Variants in MUSK observed in about 807,000 individuals in gnomAD.
MUSK encodes muscle associated receptor tyrosine kinase, also known as muscle, skeletal receptor tyrosine-protein kinase.
MUSK carries 55 observed loss-of-function variants against 88.7 expected under a neutral mutation model. The ratio of observed to expected loss-of-function variants is 0.62; its 90% CI spans 0.50 to 0.78. The LOEUF is 0.78. Ranked by LOEUF, MUSK falls within the 30% of genes least tolerant of loss-of-function variation. The pLI is 0.00. For missense variants in MUSK, 1,015 were observed against 1,074.3 expected, an observed-to-expected ratio of 0.94 and a Z score of 0.77; for synonymous variants, 387 against 391.9, an observed-to-expected ratio of 0.99 and a Z score of 0.15.
At chr9:110,728,327 A>G (rs1235706901) in intron 5 of MUSK, 2 of 213,982 alleles carry the variant, frequency 9.3e-6, no homozygotes, top group Non-Finnish European at 1.8e-5. Context: ...CAAGGGGGGA[A>G]CGCAATGTAT....
chr9:110,750,236 T>C (rs994779275), intron 7 of MUSK, among the ~76,000 whole-genome samples: 13 of 152,144 alleles, frequency 8.5e-5, no homozygotes, highest in African/African-American at 3.1e-4. Flanking sequence ...ATTCAGTCAC[T>C]CAAAGATACC....
intron 2 of MUSK, among the ~76,000 whole-genome samples, chr9:110,684,509 G>A (rs562156288): frequency 6.7e-6 from 1 of 150,152 alleles, no homozygotes; most frequent in East Asian, 1.9e-4. Context: ...TTCTATTTCT[G>A]TGAAGAATGT....
At chr9:110,693,621 C>CA (rs1470503430) in intron 3 of MUSK, among the ~76,000 whole-genome samples, 1 of 152,220 alleles carries the variant, frequency 6.6e-6, no homozygotes, top group Non-Finnish European at 1.5e-5. Flanking sequence ...GGCTATGCGT[C>CA]AATACCCTAG....
chr9:110,767,997 C>T lies in MUSK; in HGVS notation c.1098C>T (p.Cys366=), dbSNP rs1427670381. The part of the protein sequence containing the change: ...WNELKVVSPV[C]RPAAEALLCN... ...AACTGAAAGTAGTGAGCCCAGTCTG[C>T]CGGCCAGCTGCTGAGGCTTTGTTGT... is the stretch of plus-strand genomic sequence containing the variant. The change falls in exon 9 of 15, where the codon TGC becomes TGT. Residue 366 remains cysteine, a synonymous_variant. Coordinates refer to ENST00000374448, the MANE Select transcript of MUSK (RefSeq NM_005592.4). The T allele has an allele frequency of 5.0e-6, 8 of 1,613,952 alleles. No individual in the cohort carries two copies. Among genetic ancestry groups the T allele is most frequent in the Middle Eastern group, 3.3e-4 (2 of 6,062 alleles).
intron 5 of MUSK, among the ~76,000 whole-genome samples, chr9:110,718,176 T>A (rs2076768587): frequency 6.6e-6 from 1 of 152,046 alleles, no homozygotes; most frequent in Non-Finnish European, 1.5e-5. Flanking sequence ...GGGTCTCTCC[T>A]CAGGCTGCTT....
At position 110,701,675 on chromosome 9, in the gene MUSK, A is replaced by T. The variant is rs1410581745; in HGVS notation, c.628+4209A>T. Among the ~76,000 whole-genome samples, 4 of 23,508 alleles carry T rather than the reference A, an allele frequency of 1.7e-4. 2 individuals are homozygous for T. Among genetic ancestry groups the T allele is most frequent in the South Asian group, 1.6e-3 (2 of 1,278 alleles). 15.4% of individuals were successfully genotyped at this position (23,508 alleles called of 152,430 possible). On this transcript the variant is annotated intron_variant, in intron 5 of 14. Coordinates refer to ENST00000374448, the MANE Select transcript of MUSK (RefSeq NM_005592.4). ...CTATTTATTTTATTTATTTTATTTT[A>T]TTTTTTTTACTTTACTTTATTTTAT...
At chr9:110,674,735 C>A (rs2076002925) in intron 1 of MUSK, among the ~76,000 whole-genome samples, 1 of 151,824 alleles carries the variant, frequency 6.6e-6, no homozygotes, top group Admixed American at 6.6e-5. Flanking sequence ...CAGCTTCTTC[C>A]CAAGTAGCTG....
intron 6 of MUSK, among the ~76,000 whole-genome samples, chr9:110,738,862 G>T (rs964183231): frequency 1.3e-5 from 2 of 152,160 alleles, no homozygotes; most frequent in African/African-American, 4.8e-5. Context: ...TACCAGTGAT[G>T]CATTTTCCTC....
At chr9:110,735,704 T>C (rs960351908) in intron 6 of MUSK, among the ~76,000 whole-genome samples, 11 of 152,106 alleles carry the variant, frequency 7.2e-5, no homozygotes, top group Non-Finnish European at 1.2e-4. Context: ...GAAAAGAGGT[T>C]TAATTGGCTC....
At chr9:110,706,748 C>T (rs1415512688) in intron 5 of MUSK, among the ~76,000 whole-genome samples, 1 of 152,120 alleles carries the variant, frequency 6.6e-6, no homozygotes, top group Non-Finnish European at 1.5e-5. Flanking sequence ...TCACACCTGT[C>T]ATCTCGGCAC....
chr9:110,695,599 C>A, intron 4 of MUSK, 69 bp downstream of exon 4: 3 of 1,206,724 alleles, frequency 2.5e-6, no homozygotes, highest in South Asian at 3.0e-5. Flanking sequence ...TTTACACACT[C>A]AGTTACACAC....
rs139609264 is a variant in MUSK, at chr9:110,782,340, T to A, written c.1385-2475T>A. 2.0e-4 allele frequency among the ~76,000 whole-genome samples: 30 copies of A among 152,310 alleles called. No individual in the cohort carries two copies. In the East Asian group the frequency reaches 5.2e-3, roughly 26 times the overall value. ...GATCAGATCAAATCAGAAGCAGTCA[T>A]CAAGGAATAACAAAACAAAACTATC... On this transcript the variant is annotated intron_variant, in intron 11 of 14. Coordinates refer to ENST00000374448, the MANE Select transcript of MUSK (RefSeq NM_005592.4).
At position 110,668,997 on chromosome 9, in the gene MUSK, A is replaced by G. The variant is rs1345348874; in HGVS notation, c.79+14A>G. 6.2e-7 allele frequency: 1 copy of G among 1,603,844 alleles called. No homozygotes were observed. The highest frequency in any genetic ancestry group is 1.1e-5 in the South Asian group (1 of 90,882). Reference sequence around the variant, plus strand: ...AACTTCCAAAAGGTTGGTTTGAGCAATCGTGTCTTCTTGTTGTCTTGTCAT... The same window carrying G: ...AACTTCCAAAAGGTTGGTTTGAGCAGTCGTGTCTTCTTGTTGTCTTGTCAT... On this transcript the variant is annotated intron_variant, in intron 1 of 14. Transcript: ENST00000374448.
chr9:110,743,241 C>T (rs775904111), intron 6 of MUSK, among the ~76,000 whole-genome samples: 3 of 152,144 alleles, frequency 2.0e-5, no homozygotes, highest in African/African-American at 4.8e-5. Context: ...AGCCAAAGAG[C>T]AGGAGAAAGT....
chr9:110,690,189 T>TATAAATATATAA (rs1254556152), intron 3 of MUSK, among the ~76,000 whole-genome samples: 19 of 76,222 alleles, frequency 2.5e-4, no homozygotes, highest in Admixed American at 3.8e-4. Flanking sequence ...TATATTTAAG[T>TATAAATATATAA]ATATATAAAT....
chr9:110,739,360 T>C (rs924817101), intron 6 of MUSK, among the ~76,000 whole-genome samples: 1 of 152,180 alleles, frequency 6.6e-6, no homozygotes, highest in Admixed American at 6.5e-5. Flanking sequence ...GCATGAAGTA[T>C]TGTCAACCAA....
In MUSK at chr9:110,805,745, C is replaced by T. The variant is rs1352234604; in HGVS notation, c.*4757C>T. Among the ~76,000 whole-genome samples the T allele has an allele frequency of 1.3e-5, 2 of 151,774 alleles. No individual in the cohort carries two copies. Among genetic ancestry groups the T allele is most frequent in the Non-Finnish European group, 2.9e-5 (2 of 67,828 alleles). On this transcript the variant is annotated 3_prime_UTR_variant, in exon 15 of 15. Transcript: ENST00000374448. ...TGTATGAATTTATTTCCTAATGTAG[C>T]GATATCCTTGTCTTCTAGGAATAAA...
At position 110,735,475 on chromosome 9, in the gene MUSK, T is replaced by C. The variant is rs548076651; in HGVS notation, c.753+1100T>C. Reference sequence around the variant, plus strand: ...TAAACCAGACACAGCAAGAAAAGTATTTCATGTTCTCTTTCATAACTAAAA... The same window carrying C: ...TAAACCAGACACAGCAAGAAAAGTACTTCATGTTCTCTTTCATAACTAAAA... On this transcript the variant is annotated intron_variant, in intron 6 of 14. Transcript: ENST00000374448. 9.9e-4 allele frequency among the ~76,000 whole-genome samples: 151 copies of C among 152,164 alleles called. 4 individuals are homozygous for C. In the South Asian group the frequency reaches 0.031, roughly 32 times the overall value.
chr9:110,679,032 A>G (rs1027281112), intron 1 of MUSK, among the ~76,000 whole-genome samples: 1 of 152,006 alleles, frequency 6.6e-6, no homozygotes, highest in Non-Finnish European at 1.5e-5. Context: ...TTATGTTTGA[A>G]TGTTTCATCT....
Sources: gnomAD v4.1 joint callset for allele counts (sites outside exome capture counted in the v4.1 genomes callset) on GRCh38, gnomAD v4.1.1 for gene constraint, MANE v1.5 for transcripts, NCBI Gene and HGNC (gene_info 2026-07-23, HGNC 2026-07-21) for gene names.